The following CCDC148 variants were observed in gnomAD, a reference collection of about 807,000 sequenced individuals.
CCDC148 encodes coiled-coil domain containing 148.
In CCDC148, 89 loss-of-function variants were observed where a neutral mutation model predicts 85.7. That is an observed-to-expected ratio of 1.04 (90% CI 0.87 to 1.24). The LOEUF (loss-of-function observed/expected upper bound fraction) is 1.24, where lower values mean the gene tolerates loss of function less well. CCDC148 is among the 50% of genes most tolerant of loss of function. The pLI, the probability that CCDC148 is intolerant of heterozygous loss-of-function variation, is 0.00. For synonymous variants in CCDC148, 230 were observed against 213.9 expected (o/e 1.08, Z -0.66); for missense variants, 692 against 671.7 (o/e 1.03, Z -0.33).
intron 1 of CCDC148, among the ~76,000 whole-genome samples, chr2:158,386,357 T>A (rs573575782): frequency 6.6e-6 from 1 of 152,260 alleles, no homozygotes; most frequent in Non-Finnish European, 1.5e-5. Context: ...TCTGAGATTG[T>A]GTATTTATTT....
At chr2:158,319,784 T>C (rs1692441361) in intron 7 of CCDC148, among the ~76,000 whole-genome samples, 1 of 152,158 alleles carries the variant, frequency 6.6e-6, no homozygotes, top group Admixed American at 6.5e-5. Flanking sequence ...GAAAGAGATA[T>C]AGACCCAACA....
chr2:158,360,421 G>A (rs1475724342), intron 1 of CCDC148, among the ~76,000 whole-genome samples: 1 of 152,150 alleles, frequency 6.6e-6, no homozygotes, highest in Non-Finnish European at 1.5e-5. Context: ...ATACAGGAGA[G>A]CTCCAGCTGG....
intron 10 of CCDC148, among the ~76,000 whole-genome samples, chr2:158,221,722 C>T (rs965615760): frequency 1.3e-5 from 2 of 152,186 alleles, no homozygotes; most frequent in African/African-American, 4.8e-5. Flanking sequence ...CAAGCACCAT[C>T]GCCACAGACA....
At chr2:158,251,064 T>C in intron 9 of CCDC148, 152 bp from the exon 10 acceptor site, 4 of 619,236 alleles carry the variant, frequency 6.5e-6, no homozygotes, top group South Asian at 3.1e-5. Context: ...GTGATGTATC[T>C]GTGAAACGTG....
chr2:158,219,145 G>C (rs1521876), intron 11 of CCDC148, among the ~76,000 whole-genome samples: 1 of 152,102 alleles, frequency 6.6e-6, no homozygotes, highest in Middle Eastern at 3.2e-3. Flanking sequence ...TTTTAGGTTC[G>C]GAGTGAAATT....
At chr2:158,182,174 G>A (rs1684936825) in intron 11 of CCDC148, among the ~76,000 whole-genome samples, 1 of 152,094 alleles carries the variant, frequency 6.6e-6, no homozygotes, top group African/African-American at 2.4e-5. Flanking sequence ...CACAAGATCT[G>A]GGCTGGAGAA....
chr2:158,247,504 AT>A (rs1395048363), intron 10 of CCDC148, among the ~76,000 whole-genome samples: 2 of 152,130 alleles, frequency 1.3e-5, no homozygotes, highest in East Asian at 3.9e-4. Context: ...GGAAACTTAA[AT>A]GTCAACCACC....
rs755120843 is a variant in CCDC148, at chr2:158,250,863, T to C, written c.1160A>G (p.Glu387Gly). The C allele has an allele frequency of 1.9e-6, 3 of 1,608,580 alleles. No homozygotes were observed. Among genetic ancestry groups the C allele is most frequent in the Non-Finnish European group, 2.5e-6 (3 of 1,178,834 alleles). Residue 387 changes from glutamate to glycine, a missense_variant, in exon 10 of 14, where the codon GAA becomes GGA. Physicochemically the swap from Glu to Gly is moderately conservative, Grantham distance 98. Coordinates refer to ENST00000283233, the MANE Select transcript of CCDC148 (RefSeq NM_138803.4). ...CTTTTCTCTTCTTCTGGCAGAAATT[T>C]CCATTTCCAGTCTTGCTACCTCTTC... ...HQEEVARLEM[E>G]ISARRREKEE...
intron 9 of CCDC148, among the ~76,000 whole-genome samples, chr2:158,296,260 T>A (rs955622414): frequency 6.6e-6 from 1 of 152,212 alleles, no homozygotes; most frequent in Non-Finnish European, 1.5e-5. Flanking sequence ...GGTAGAAGTA[T>A]GTATTAAGGC....
At chr2:158,277,415 A>T (rs150192063) in intron 9 of CCDC148, among the ~76,000 whole-genome samples, 215 of 152,288 alleles carry the variant, frequency 1.4e-3, no homozygotes, top group African/African-American at 5.1e-3. Context: ...TGTCATAGTC[A>T]AGGAGAATAA....
At chr2:158,356,302 A>C (rs1200320035) in intron 2 of CCDC148, among the ~76,000 whole-genome samples, 8 of 144,168 alleles carry the variant, frequency 5.5e-5, no homozygotes, top group African/African-American at 8.0e-5. Context: ...CAACCTACAA[A>C]ATGGGAGAAA....
At chr2:158,451,984 G>T (rs1688423204) in intron 1 of CCDC148, among the ~76,000 whole-genome samples, 1 of 152,092 alleles carries the variant, frequency 6.6e-6, no homozygotes, top group African/African-American at 2.4e-5. Context: ...AAAACAAAAA[G>T]AAAATGAAGT....
At position 158,176,550 on chromosome 2, in the gene CCDC148, A is replaced by C; in HGVS notation, c.1600T>G (p.Phe534Val). 1.2e-6 allele frequency: 2 copies of C among 1,612,114 alleles called. No homozygotes were observed. Among genetic ancestry groups the C allele is most frequent in the Non-Finnish European group, 1.7e-6 (2 of 1,178,900 alleles). ...TGTTCATTGTATGTATTCAATGTGA[A>C]GAGTGGCTTTTGAAGAATAAATTCT... ...EEEFILQKPL[F>V]TLNTYNEQQI... Residue 534 changes from phenylalanine to valine, a missense_variant, in exon 13 of 14, where the codon TTC becomes GTC. Physicochemically the swap from Phe to Val is conservative, Grantham distance 50. Transcript: ENST00000283233.
intron 1 of CCDC148, among the ~76,000 whole-genome samples, chr2:158,378,921 T>A (rs1011163213): frequency 6.6e-6 from 1 of 152,160 alleles, no homozygotes; most frequent in Non-Finnish European, 1.5e-5. Flanking sequence ...AGGAGATTAA[T>A]GTTGCTTTCA....
chr2:158,274,872 G>C (rs1013013884), intron 9 of CCDC148, among the ~76,000 whole-genome samples: 1 of 152,216 alleles, frequency 6.6e-6, no homozygotes, highest in African/African-American at 2.4e-5. Context: ...CTGACAGGTG[G>C]CTGGGGACCA....
chr2:158,191,091 A>C (rs1428645762), intron 11 of CCDC148, among the ~76,000 whole-genome samples: 1 of 152,046 alleles, frequency 6.6e-6, no homozygotes. Context: ...CTGGAGATAG[A>C]CATCTGTATG....
chr2:158,209,242 A>C (rs539972545), intron 11 of CCDC148, among the ~76,000 whole-genome samples: 25 of 152,236 alleles, frequency 1.6e-4, no homozygotes, highest in Middle Eastern at 3.4e-3. Flanking sequence ...CTACCATGTT[A>C]TTTCTCCCAA....
chr2:158,326,741 A>C (rs1692795416), intron 7 of CCDC148, among the ~76,000 whole-genome samples: 1 of 152,190 alleles, frequency 6.6e-6, no homozygotes, highest in African/African-American at 2.4e-5. Context: ...TTCAAAATTC[A>C]AAAAGTTTAA....
chr2:158,349,713 C>T (rs1161161087), intron 2 of CCDC148, among the ~76,000 whole-genome samples: 2 of 151,926 alleles, frequency 1.3e-5, no homozygotes, highest in Non-Finnish European at 2.9e-5. Context: ...AAATAATGTA[C>T]AGCAATATTC....
Sources: gnomAD v4.1 joint callset for allele counts (sites outside exome capture counted in the v4.1 genomes callset) on GRCh38, gnomAD v4.1.1 for gene constraint, MANE v1.5 for transcripts, NCBI Gene and HGNC (gene_info 2026-07-23, HGNC 2026-07-21) for gene names.